Variants in LHFPL6 observed in about 807,000 individuals in gnomAD.
LHFPL6 encodes the protein LHFPL tetraspan subfamily member 6.
Under a neutral mutation model 20.6 loss-of-function variants are expected in LHFPL6, and 9 were observed. The ratio of observed to expected loss-of-function variants is 0.44; its 90% CI spans 0.26 to 0.76. The LOEUF is 0.76. Ranked by LOEUF, LHFPL6 falls within the 30% of genes least tolerant of loss-of-function variation. The probability of loss-of-function intolerance (pLI) is 0.20; values close to 1 mark genes in which losing one functional copy is unlikely to be tolerated. For missense variants in LHFPL6, 218 were observed against 253.5 expected (o/e 0.86, Z 0.95); for synonymous variants, 105 against 98.7 (o/e 1.06, Z -0.38).
chr13:39,364,527 T>C (rs1007122681), intron 3 of LHFPL6, among the ~76,000 whole-genome samples: 2 of 152,190 alleles, frequency 1.3e-5, no homozygotes, highest in Admixed American at 1.3e-4. Flanking sequence ...ACAGAAATAC[T>C]CTGGCTTCTC....
At chr13:39,535,891 C>A (rs1566135443) in intron 2 of LHFPL6, among the ~76,000 whole-genome samples, 1 of 152,084 alleles carries the variant, frequency 6.6e-6, no homozygotes, top group Non-Finnish European at 1.5e-5. Context: ...CTGGCAGAGA[C>A]CATTAGCATT....
intron 2 of LHFPL6, among the ~76,000 whole-genome samples, chr13:39,578,299 C>T (rs947586331): frequency 2.0e-5 from 3 of 152,160 alleles, no homozygotes; most frequent in Admixed American, 6.5e-5. Flanking sequence ...AAGCAACAGC[C>T]GCGGACTACC....
chr13:39,462,198 G>A (rs529523420), intron 2 of LHFPL6, among the ~76,000 whole-genome samples: 16 of 152,226 alleles, frequency 1.1e-4, no homozygotes, highest in African/African-American at 3.1e-4. Context: ...CAGAAAGGCT[G>A]GAGATGACAC....
At chr13:39,584,115 T>C (rs1470530410) in intron 2 of LHFPL6, among the ~76,000 whole-genome samples, 1 of 152,210 alleles carries the variant, frequency 6.6e-6, no homozygotes, top group Non-Finnish European at 1.5e-5. Context: ...AGAATTTGAT[T>C]AATGTTTGTC....
At chr13:39,351,794 A>G (rs983300758) in intron 3 of LHFPL6, among the ~76,000 whole-genome samples, 8 of 152,322 alleles carry the variant, frequency 5.3e-5, no homozygotes, top group African/African-American at 1.9e-4. Context: ...TGTTCAAACT[A>G]TATTCAAATA....
intron 2 of LHFPL6, among the ~76,000 whole-genome samples, chr13:39,512,069 G>T (rs1303039336): frequency 6.6e-6 from 1 of 152,148 alleles, no homozygotes; most frequent in Non-Finnish European, 1.5e-5. Flanking sequence ...GTTAAAATGG[G>T]TTTTTAATAC....
rs532881245 is a variant in LHFPL6 at position 39,483,813 on chromosome 13, C to T, written c.386-105287G>A. On this transcript the variant is annotated intron_variant, in intron 2 of 3. Coordinates refer to ENST00000379589, the MANE Select transcript of LHFPL6 (RefSeq NM_005780.3). ...CTTGTGATTATCTGCCACCCTCTTCCTTCCATGGGGAGGGAATGGCCTAGT... is the reference window on the plus strand; with the variant it reads ...CTTGTGATTATCTGCCACCCTCTTCTTTCCATGGGGAGGGAATGGCCTAGT... Among the ~76,000 whole-genome samples the T allele has an allele frequency of 2.2e-4, 34 of 152,280 alleles. No homozygotes were observed. The South Asian group carries it at 6.6e-3, about 30-fold the overall frequency.
At chr13:39,547,120 C>T (rs1456867103) in intron 2 of LHFPL6, among the ~76,000 whole-genome samples, 1 of 152,082 alleles carries the variant, frequency 6.6e-6, no homozygotes, top group Admixed American at 6.5e-5. Context: ...CCTGCTGCTC[C>T]TTTCCTTCCA....
At chr13:39,507,808 T>A (rs546137435) in intron 2 of LHFPL6, among the ~76,000 whole-genome samples, 2 of 152,228 alleles carry the variant, frequency 1.3e-5, no homozygotes, top group East Asian at 3.9e-4. Flanking sequence ...CTATGCAGTT[T>A]ATCCACAGGT....
chr13:39,457,666 T>C (rs1872602505), intron 2 of LHFPL6, among the ~76,000 whole-genome samples: 1 of 152,144 alleles, frequency 6.6e-6, no homozygotes, highest in African/African-American at 2.4e-5. Flanking sequence ...ATCAGGTATG[T>C]GGTAAAGGGA....
At chr13:39,355,762 A>C (rs945484322) in intron 3 of LHFPL6, among the ~76,000 whole-genome samples, 2 of 152,242 alleles carry the variant, frequency 1.3e-5, no homozygotes, top group African/African-American at 4.8e-5. Context: ...ACAGACTTCA[A>C]ACCAACCACA....
intron 3 of LHFPL6, among the ~76,000 whole-genome samples, chr13:39,365,256 G>T (rs547887834): frequency 6.6e-6 from 1 of 152,230 alleles, no homozygotes; most frequent in East Asian, 1.9e-4. Flanking sequence ...AAGAGGTGCT[G>T]CATTTCCTCG....
intron 2 of LHFPL6, among the ~76,000 whole-genome samples, chr13:39,379,279 T>C (rs545770036): frequency 2.6e-5 from 4 of 152,334 alleles, no homozygotes; most frequent in South Asian, 2.1e-4. Flanking sequence ...AAGCCTAACA[T>C]GGTTTTACAA....
intron 3 of LHFPL6, among the ~76,000 whole-genome samples, chr13:39,369,921 G>A (rs1276234127): frequency 6.6e-6 from 1 of 151,954 alleles, no homozygotes; most frequent in East Asian, 1.9e-4. Context: ...TACAGAGTGG[G>A]GTCCTTTTTC....
chr13:39,381,965 T>C (rs572728463), intron 2 of LHFPL6, among the ~76,000 whole-genome samples: 1 of 152,154 alleles, frequency 6.6e-6, no homozygotes, highest in Non-Finnish European at 1.5e-5. Context: ...TGTTGAAGTA[T>C]GGATGCTGGG....
chr13:39,517,383 G>A (rs957312392), intron 2 of LHFPL6, among the ~76,000 whole-genome samples: 1 of 142,936 alleles, frequency 7.0e-6, no homozygotes, highest in African/African-American at 2.7e-5. Context: ...AGGATCAGAT[G>A]AACAATACTT....
chr13:39,390,211 T>A (rs1870669613), intron 2 of LHFPL6, among the ~76,000 whole-genome samples: 1 of 152,186 alleles, frequency 6.6e-6, no homozygotes, highest in Admixed American at 6.5e-5. Context: ...AAAGAAGGAC[T>A]TTCTACAAAT....
chr13:39,569,612 G>A (rs763938242), intron 2 of LHFPL6, among the ~76,000 whole-genome samples: 6 of 152,100 alleles, frequency 3.9e-5, no homozygotes, highest in Admixed American at 6.6e-5. Context: ...TGGTTTTGAC[G>A]AGAAAATACT....
At chr13:39,349,826 G>T (rs1408365080) in intron 3 of LHFPL6, among the ~76,000 whole-genome samples, 2 of 152,178 alleles carry the variant, frequency 1.3e-5, no homozygotes, top group Non-Finnish European at 2.9e-5. Flanking sequence ...TGCTTGGAGT[G>T]AGGGGATGGG....
Sources: gnomAD v4.1 joint callset for allele counts (sites outside exome capture counted in the v4.1 genomes callset) on GRCh38, gnomAD v4.1.1 for gene constraint, MANE v1.5 for transcripts, NCBI Gene and HGNC (gene_info 2026-07-23, HGNC 2026-07-21) for gene names.